Variants in PHF8 observed in about 807,000 individuals in gnomAD.
PHF8 encodes the protein PHD finger protein 8, also known as histone lysine demethylase PHF8.
Under a neutral mutation model 74.4 loss-of-function variants are expected in PHF8, and 9 were observed. That is an observed-to-expected ratio of 0.12 (90% CI 0.07 to 0.21). The LOEUF (loss-of-function observed/expected upper bound fraction) is 0.21, where lower values mean the gene tolerates loss of function less well. PHF8 is among the 10% of genes least tolerant of loss of function. The probability of loss-of-function intolerance (pLI) is 1.00; values close to 1 mark genes in which losing one functional copy is unlikely to be tolerated. For missense variants in PHF8, 478 were observed against 816.6 expected, an observed-to-expected ratio of 0.59 and a Z score of 5.05; for synonymous variants, 311 against 316.6, an observed-to-expected ratio of 0.98 and a Z score of 0.19.
intron 19 of PHF8, among the ~76,000 whole-genome samples, chrX:53,952,641 T>C (rs1461796114): frequency 2.7e-5 from 3 of 111,006 alleles, no homozygotes; most frequent in African/African-American, 3.3e-5. Flanking sequence ...CCCAGCACTT[T>C]GGGAGGCTGA....
chrX:53,985,601 C>T (rs1439840701), intron 17 of PHF8: 5 of 605,494 alleles, frequency 8.3e-6, no homozygotes, highest in Non-Finnish European at 1.3e-5. Flanking sequence ...AAATTGATTC[C>T]TCTTGAAGTC....
chrX:53,969,722 A>G (rs1294692891), intron 18 of PHF8, among the ~76,000 whole-genome samples: 1 of 112,221 alleles, frequency 8.9e-6, no homozygotes, highest in East Asian at 2.8e-4. Context: ...ATTTCAAATT[A>G]TATTACAAAG....
chrX:53,967,307 G>A (rs2065216606), intron 18 of PHF8, among the ~76,000 whole-genome samples: 1 of 107,075 alleles, frequency 9.3e-6, no homozygotes, highest in African/African-American at 3.4e-5. Context: ...CCCCGTCCGG[G>A]AGGGAGGTGG....
intron 5 of PHF8, among the ~76,000 whole-genome samples, chrX:54,017,238 T>G (rs782110174): frequency 2.7e-5 from 3 of 112,575 alleles, no homozygotes; most frequent in Non-Finnish European, 3.8e-5. Flanking sequence ...TTGAGCCCAG[T>G]AGTTGGAGAT....
At chrX:54,033,787 G>A (rs781960026) in intron 2 of PHF8, among the ~76,000 whole-genome samples, 4 of 110,561 alleles carry the variant, frequency 3.6e-5, no homozygotes, top group African/African-American at 1.3e-4. Context: ...GCCAGGCATG[G>A]TGGTATGTGC....
chrX:54,018,871 C>T (rs1313943261), intron 4 of PHF8, among the ~76,000 whole-genome samples: 2 of 111,452 alleles, frequency 1.8e-5, no homozygotes, highest in Non-Finnish European at 3.8e-5. Flanking sequence ...CTGCCCGCCT[C>T]AGCCTCCCAA....
chrX:53,982,350 G>A (rs1603311496), intron 18 of PHF8, among the ~76,000 whole-genome samples: 2 of 112,773 alleles, frequency 1.8e-5, no homozygotes. Context: ...TATTGTCACA[G>A]GAATAGACAA....
intron 11 of PHF8, among the ~76,000 whole-genome samples, chrX:53,996,209 C>T (rs933513385): frequency 6.3e-5 from 7 of 110,284 alleles, no homozygotes; most frequent in Admixed American, 1.9e-4. Flanking sequence ...CCCCGCCTCC[C>T]GGGTTCAAGC....
intron 12 of PHF8, among the ~76,000 whole-genome samples, chrX:53,994,234 A>G (rs1270781878): frequency 8.9e-6 from 1 of 112,605 alleles, no homozygotes; most frequent in Admixed American, 9.4e-5. Context: ...GATTTGAGAG[A>G]AGGAGAGGTT....
chrX:54,009,735 C>G (rs188792670), intron 8 of PHF8, among the ~76,000 whole-genome samples: 2 of 102,921 alleles, frequency 1.9e-5, no homozygotes, highest in East Asian at 6.1e-4. Flanking sequence ...CCCAGCTACT[C>G]AGGAGGCTGA....
intron 18 of PHF8, among the ~76,000 whole-genome samples, chrX:53,972,480 C>CA (rs2065310271): frequency 9.0e-6 from 1 of 111,280 alleles, no homozygotes; most frequent in Non-Finnish European, 1.9e-5. Flanking sequence ...CCCTGGGATG[C>CA]AAAGTTGGTT....
rs1412307667 is a variant in PHF8, at chrX:53,984,441, C to T, written c.2443+473G>A. Among the ~76,000 whole-genome samples, 5 of 111,647 alleles carry T rather than the reference C, an allele frequency of 4.5e-5. No homozygotes were observed. The South Asian group carries it at 1.5e-3, about 34-fold the overall frequency. On this transcript the variant is annotated intron_variant, in intron 18 of 21. Coordinates refer to ENST00000338154, the MANE Select transcript of PHF8 (RefSeq NM_015107.3). ...CTGTATTACACAAGAGTGCCTGATA[C>T]ACTGTGGTACTCAATAAAATCTTGG...
chrX:53,969,486 G>A (rs2065260792), intron 18 of PHF8, among the ~76,000 whole-genome samples: 2 of 111,613 alleles, frequency 1.8e-5, no homozygotes, highest in South Asian at 7.4e-4. Flanking sequence ...CACAAAAAAT[G>A]GAAAGATAGC....
At chrX:54,019,710 C>A (rs2066133245) in intron 4 of PHF8, among the ~76,000 whole-genome samples, 1 of 102,959 alleles carries the variant, frequency 9.7e-6, no homozygotes, top group Non-Finnish European at 2.0e-5. Context: ...ATTGCTTGAA[C>A]CCAGGAGGCG....
chrX:54,033,286 C>A (rs1324487309), intron 2 of PHF8, among the ~76,000 whole-genome samples: 1 of 111,818 alleles, frequency 8.9e-6, no homozygotes, highest in African/African-American at 3.2e-5. Flanking sequence ...AAAATCACAA[C>A]TCGAATAAGA....
chrX:54,039,585 A>G (rs1319191744), intron 2 of PHF8: 1 of 112,430 alleles, frequency 8.9e-6, no homozygotes, highest in African/African-American at 3.2e-5. Context: ...TAAGGCCTCA[A>G]TGGTGCTCCT....
intron 8 of PHF8, among the ~76,000 whole-genome samples, chrX:54,006,209 C>T (rs150896615): frequency 2.7e-5 from 3 of 111,754 alleles, no homozygotes; most frequent in Non-Finnish European, 5.6e-5. Flanking sequence ...GGGCCCGGTG[C>T]GGTGACTCAC....
intron 10 of PHF8, among the ~76,000 whole-genome samples, chrX:54,001,312 G>A (rs1207792555): frequency 3.7e-5 from 4 of 108,518 alleles, no homozygotes; most frequent in Non-Finnish European, 7.7e-5. Context: ...GTGACAGAGC[G>A]AGACTCCATC....
intron 2 of PHF8, among the ~76,000 whole-genome samples, chrX:54,037,094 GA>G (rs1317854292): frequency 9.1e-6 from 1 of 109,591 alleles, no homozygotes; most frequent in Non-Finnish European, 1.9e-5. Flanking sequence ...ACCAAAGGAG[GA>G]AAAAAATAGT....
Sources: gnomAD v4.1 joint callset for allele counts (sites outside exome capture counted in the v4.1 genomes callset) on GRCh38, gnomAD v4.1.1 for gene constraint, MANE v1.5 for transcripts, NCBI Gene and HGNC (gene_info 2026-07-23, HGNC 2026-07-21) for gene names.